Variants in POLD3 observed in about 807,000 individuals in gnomAD.
The protein encoded by POLD3 is DNA polymerase delta 3, accessory subunit, also known as DNA polymerase delta subunit 3.
A neutral mutation model predicts 58.2 loss-of-function variants in POLD3; 19 were observed. The observed-to-expected ratio is 0.33, with a 90% CI of 0.23 to 0.48. The LOEUF is 0.48. Among genes scored for constraint, POLD3 ranks in the 20% least tolerant of loss-of-function variants. The pLI, the probability that POLD3 is intolerant of heterozygous loss-of-function variation, is 0.99. For synonymous variants in POLD3, 172 were observed against 193.5 expected (o/e 0.89, Z 0.92); for missense variants, 504 against 545.5 (o/e 0.92, Z 0.76).
At chr11:74,656,174 G>T (rs1346376631) in intron 4 of POLD3, among the ~76,000 whole-genome samples, 1 of 152,126 alleles carries the variant, frequency 6.6e-6, no homozygotes, top group Non-Finnish European at 1.5e-5. Context: ...CAAAAACTAG[G>T]TTATTTGAAG....
chr11:74,627,555 A>C (rs996345045), intron 8 of POLD3, among the ~76,000 whole-genome samples: 2 of 152,190 alleles, frequency 1.3e-5, no homozygotes, highest in Non-Finnish European at 2.9e-5. Flanking sequence ...TAGGGCCTTC[A>C]CATTTCACTC....
chr11:74,667,465 G>A (rs1202718294), intron 4 of POLD3, among the ~76,000 whole-genome samples: 1 of 152,202 alleles, frequency 6.6e-6, no homozygotes, highest in Non-Finnish European at 1.5e-5. Context: ...GGGGGGCGGA[G>A]CTTGCAGTGA....
At chr11:74,667,134 G>A (rs570719289) in intron 4 of POLD3, among the ~76,000 whole-genome samples, 1 of 150,844 alleles carries the variant, frequency 6.6e-6, no homozygotes, top group South Asian at 2.1e-4. Context: ...GGAATGGAGA[G>A]TTGTCCAGTT....
At chr11:74,636,132 G>A in intron 10 of POLD3, 65 bp from the exon 11 acceptor site, 1 of 1,461,364 alleles carries the variant, frequency 6.8e-7, no homozygotes, top group South Asian at 1.2e-5. Flanking sequence ...AGATTTAAAA[G>A]CTTTTGTTAT....
chr11:74,654,352 A>C (rs1374718869), intron 4 of POLD3, among the ~76,000 whole-genome samples: 1 of 152,204 alleles, frequency 6.6e-6, no homozygotes, highest in Non-Finnish European at 1.5e-5. Flanking sequence ...ATGTAAAGAG[A>C]CATAATAAGA....
chr11:74,649,632 T>C (rs2033043098), intron 4 of POLD3, among the ~76,000 whole-genome samples: 1 of 152,158 alleles, frequency 6.6e-6, no homozygotes, highest in Non-Finnish European at 1.5e-5. Flanking sequence ...CCCCACTCTA[T>C]CTTAGAATTG....
chr11:74,628,744 A>T (rs1260622207), intron 8 of POLD3: 1 of 152,312 alleles, frequency 6.6e-6, no homozygotes, highest in Non-Finnish European at 1.5e-5. Flanking sequence ...AATATGAATT[A>T]TATTCCATAA....
chr11:74,656,067 A>G (rs1010572510), intron 4 of POLD3, among the ~76,000 whole-genome samples: 1 of 152,272 alleles, frequency 6.6e-6, no homozygotes, highest in African/African-American at 2.4e-5. Flanking sequence ...AACATTTAAA[A>G]TGCCATTTAT....
intron 9 of POLD3, among the ~76,000 whole-genome samples, chr11:74,632,877 T>TACACACACACACACAC (rs71036003): frequency 0.027 from 3,086 of 115,656 alleles, 265 homozygotes; most frequent in African/African-American, 0.07. Flanking sequence ...TTTAAGTAAA[T>TACACACACACACACAC]ACACACACAC....
At chr11:74,647,920 C>T (rs1163352426), downstream of POLD3, among the ~76,000 whole-genome samples, 1 of 152,092 alleles carries the variant, frequency 6.6e-6, no homozygotes, top group Non-Finnish European at 1.5e-5. Flanking sequence ...ACCACGGGCT[C>T]AAATTTTTGC....
chr11:74,639,646 TA>T (rs2135182827), intron 11 of POLD3, among the ~76,000 whole-genome samples: 1 of 152,326 alleles, frequency 6.6e-6, no homozygotes, highest in South Asian at 2.1e-4. Context: ...TGCAGTAGTG[TA>T]GATCCTCCTC....
intron 1 of POLD3, among the ~76,000 whole-genome samples, chr11:74,593,214 A>G (rs1053666401): frequency 1.3e-5 from 2 of 152,170 alleles, no homozygotes; most frequent in Non-Finnish European, 2.9e-5. Flanking sequence ...GATGGATGTG[A>G]GTGCACTTTG....
At chr11:74,660,152 C>T (rs2033187575) in intron 4 of POLD3, among the ~76,000 whole-genome samples, 1 of 152,116 alleles carries the variant, frequency 6.6e-6, no homozygotes, top group African/African-American at 2.4e-5. Flanking sequence ...AACCAGAAAC[C>T]CCTGATAAAC....
At chr11:74,663,408 A>T (rs10219168) in intron 4 of POLD3, among the ~76,000 whole-genome samples, 34,065 of 152,206 alleles carry the variant, frequency 0.22, 4,273 homozygotes, top group African/African-American at 0.34. Context: ...AATGGAAAAG[A>T]TGTAGTATAA....
chr11:74,616,051 T>G (rs2032070644), intron 5 of POLD3, among the ~76,000 whole-genome samples: 1 of 152,142 alleles, frequency 6.6e-6, no homozygotes, highest in African/African-American at 2.4e-5. Flanking sequence ...TATTACTAGA[T>G]TTCAAAAAAT....
At chr11:74,621,198 G>A (rs890373968) in intron 7 of POLD3, among the ~76,000 whole-genome samples, 5 of 152,154 alleles carry the variant, frequency 3.3e-5, no homozygotes, top group East Asian at 1.9e-4. Flanking sequence ...GGAACCGGGT[G>A]GCACAGGAGG....
At chr11:74,599,678 T>C (rs1392600597) in intron 2 of POLD3, among the ~76,000 whole-genome samples, 1 of 152,014 alleles carries the variant, frequency 6.6e-6, no homozygotes, top group African/African-American at 2.4e-5. Flanking sequence ...TGTTTTTTTT[T>C]AGCATTATTT....
intron 9 of POLD3, among the ~76,000 whole-genome samples, chr11:74,633,213 G>T (rs1346357407): frequency 6.6e-6 from 1 of 152,108 alleles, no homozygotes; most frequent in Non-Finnish European, 1.5e-5. Flanking sequence ...TTGTGGCCCA[G>T]CTTTCTTCAT....
chr11:74,652,640 C>A (rs761869413), intron 4 of POLD3: 4 of 152,206 alleles, frequency 2.6e-5, no homozygotes, highest in Non-Finnish European at 5.9e-5. Context: ...AAGAGGCACA[C>A]AACATAGACA....
Sources: allele counts gnomAD v4.1 joint callset (sites outside exome capture counted in the v4.1 genomes callset), GRCh38; gene constraint gnomAD v4.1.1; transcripts MANE v1.5; gene names NCBI Gene and HGNC (gene_info 2026-07-23, HGNC 2026-07-21).